Variants in AVEN observed in about 807,000 individuals in gnomAD.
AVEN encodes cell death regulator Aven.
A neutral mutation model predicts 38.1 loss-of-function variants in AVEN; 41 were observed. The observed-to-expected ratio is 1.08, with a 90% CI of 0.84 to 1.40. The LOEUF is 1.40. Ranked by LOEUF, AVEN falls within the 40% of genes most tolerant of loss-of-function variation. The pLI is 0.00. For synonymous variants in AVEN, 206 were observed against 171.8 expected (o/e 1.20, Z -1.56); for missense variants, 605 against 438.8 (o/e 1.38, Z -3.38).
chr15:34,037,126 T>A (rs11856633), intron 1 of AVEN, among the ~76,000 whole-genome samples: 37 of 135,742 alleles, frequency 2.7e-4, no homozygotes, highest in African/African-American at 1.2e-3. Flanking sequence ...AAAAAAAAAA[T>A]ATATACCATC....
chr15:33,932,219 C>T (rs1893876454), intron 2 of AVEN, among the ~76,000 whole-genome samples: 1 of 152,174 alleles, frequency 6.6e-6, no homozygotes, highest in Non-Finnish European at 1.5e-5. Context: ...GTAACTTATA[C>T]TAAATAACAT....
chr15:33,930,334 T>A (rs1339856801), intron 2 of AVEN, among the ~76,000 whole-genome samples: 4 of 60,158 alleles, frequency 6.6e-5, no homozygotes, highest in African/African-American at 1.5e-4. Flanking sequence ...TTTGAGTCCA[T>A]CTAGGACAAA....
At chr15:33,913,472 T>C (rs778907428) in intron 2 of AVEN, among the ~76,000 whole-genome samples, 1 of 152,166 alleles carries the variant, frequency 6.6e-6, no homozygotes, top group African/African-American at 2.4e-5. Context: ...TTTGAGCAGA[T>C]TTACATTCCT....
chr15:33,905,805 T>C (rs1892677513), intron 2 of AVEN, among the ~76,000 whole-genome samples: 1 of 141,326 alleles, frequency 7.1e-6, no homozygotes. Context: ...GTATGACAAA[T>C]TGAGACCTTG....
At chr15:33,972,553 AC>A (rs766884341) in intron 2 of AVEN, 1 of 152,254 alleles carries the variant, frequency 6.6e-6, no homozygotes, top group Non-Finnish European at 1.5e-5. Flanking sequence ...AAACAAAAAA[AC>A]AAAGGACTGT....
intron 2 of AVEN, among the ~76,000 whole-genome samples, chr15:33,876,551 GAC>G (rs912160891): frequency 4.0e-4 from 61 of 151,848 alleles, no homozygotes; most frequent in African/African-American, 1.5e-3. Context: ...CAGCCTGGGT[GAC>G]AGAGTGAGAC....
intron 4 of AVEN, among the ~76,000 whole-genome samples, chr15:33,870,452 G>C (rs1252593499): frequency 1.3e-5 from 2 of 152,134 alleles, no homozygotes; most frequent in Non-Finnish European, 2.9e-5. Context: ...CACTGCTTCA[G>C]AAAGCCATTC....
intron 2 of AVEN, among the ~76,000 whole-genome samples, chr15:33,876,534 T>A (rs986144143): frequency 6.6e-6 from 1 of 151,952 alleles, no homozygotes; most frequent in African/African-American, 2.4e-5. Context: ...ATCATGCCAC[T>A]GCACTCCAGC....
intron 5 of AVEN, among the ~76,000 whole-genome samples, chr15:34,055,263 C>A (rs1171272119): frequency 2.0e-5 from 3 of 151,650 alleles, no homozygotes; most frequent in African/African-American, 7.3e-5. Flanking sequence ...TTTGGGAGGC[C>A]GAGGTGGGTG....
At position 33,866,348 on chromosome 15, in the gene AVEN, G is replaced by A; in HGVS notation, c.*265C>T. Reference sequence around the variant, plus strand: ...GCTATGTTGTAAACACTGCAAGGAAGGAGGCTAGAAACAAGGGCCAGAGTC... The same window carrying A: ...GCTATGTTGTAAACACTGCAAGGAAAGAGGCTAGAAACAAGGGCCAGAGTC... On this transcript the variant is annotated 3_prime_UTR_variant, in exon 6 of 6. Coordinates refer to ENST00000306730, the MANE Select transcript of AVEN (RefSeq NM_020371.3). 1 of 498,818 alleles carries A rather than the reference G, an allele frequency of 2.0e-6. No homozygotes were observed. 30.9% of individuals were successfully genotyped at this position (498,818 alleles called of 1,614,324 possible). A position where few individuals can be genotyped will look rare whatever the true frequency, so the allele number is the denominator to read the frequency against.
chr15:34,010,275 G>A (rs187160219), intron 1 of AVEN, among the ~76,000 whole-genome samples: 179 of 152,042 alleles, frequency 1.2e-3, no homozygotes, highest in Non-Finnish European at 1.3e-3. Context: ...CCTATGAACA[G>A]TATATTTGGA....
downstream of AVEN, chr15:33,865,393 G>C (rs917778628): frequency 3.4e-6 from 2 of 593,774 alleles, no homozygotes; most frequent in East Asian, 2.8e-5. Context: ...TTGGCTTTTT[G>C]TGCCTAATGG....
chr15:33,856,179 C>G (rs1189473802), downstream of AVEN: 3 of 152,264 alleles, frequency 2.0e-5, no homozygotes, highest in Non-Finnish European at 4.4e-5. Flanking sequence ...TTCCCTGATG[C>G]AAAGTCCAAG....
downstream of AVEN, chr15:33,865,120 T>C (rs1305509998): frequency 6.2e-7 from 1 of 1,605,082 alleles, no homozygotes; most frequent in Non-Finnish European, 8.5e-7. Context: ...CCGTTGTTCA[T>C]ATTATTTCAG....
rs146938640 is a variant in AVEN, at chr15:33,866,761, G to A, written c.974-33C>T. ...AAAAAAAACAATGTTAACACCCTCA[G>A]ATGAGTCCTAAAATTGAAGGTATAA... On this transcript the variant is annotated intron_variant, in intron 5 of 5. Transcript: ENST00000306730. 114 of 1,466,896 alleles carry A rather than the reference G, an allele frequency of 7.8e-5. No individual in the cohort carries two copies. In the African/African-American group the frequency reaches 1.4e-3, roughly 18 times the overall value. 90.9% of individuals were successfully genotyped at this position (1,466,896 alleles called of 1,614,324 possible).
downstream of AVEN, chr15:33,858,036 A>G (rs1240823086): frequency 7.9e-7 from 1 of 1,270,372 alleles, no homozygotes; most frequent in African/African-American, 1.5e-5. Context: ...GTTACAGAGC[A>G]CAGCAGAGAT....
chr15:33,948,361 C>T (rs1194713011), intron 2 of AVEN, among the ~76,000 whole-genome samples: 1 of 152,028 alleles, frequency 6.6e-6, no homozygotes, highest in East Asian at 1.9e-4. Flanking sequence ...TCCCAAAGTG[C>T]TGGGATTACA....
intron 2 of AVEN, among the ~76,000 whole-genome samples, chr15:33,956,943 G>A (rs779840563): frequency 1.6e-4 from 25 of 152,132 alleles, no homozygotes; most frequent in Non-Finnish European, 3.1e-4. Context: ...TGAAATGTTC[G>A]GGAGTTTTTT....
In AVEN at chr15:33,968,099, T is replaced by TAAAAAAAAAAAAAAAAAA. The variant is rs71119906; in HGVS notation, c.445+34915_445+34932dup. Among the ~76,000 whole-genome samples the TAAAAAAAAAAAAAAAAAA allele has an allele frequency of 1.2e-4, 3 of 25,852 alleles. 1 individual carries two copies. The highest frequency in any genetic ancestry group is 1.1e-4 in the African/African-American group (1 of 9,504). The allele number at this position is 25,852 out of a possible 152,430, so 17.0% of individuals were successfully genotyped here. On this transcript the variant is annotated intron_variant, in intron 2 of 5. Coordinates refer to ENST00000306730, the MANE Select transcript of AVEN (RefSeq NM_020371.3). Reference sequence around the variant, plus strand: ...TCTGTGAATAATGCCTAGCAAAGCTTAAAAAAAAAAAAAAAAAAAAAAAAA... The same window carrying TAAAAAAAAAAAAAAAAAA: ...TCTGTGAATAATGCCTAGCAAAGCTTAAAAAAAAAAAAAAAAAAAAAAAAAAAAAAAAAAAAAAAAAAA...
Sources: gnomAD v4.1 joint callset for allele counts (sites outside exome capture counted in the v4.1 genomes callset) on GRCh38, gnomAD v4.1.1 for gene constraint, MANE v1.5 for transcripts, NCBI Gene and HGNC (gene_info 2026-07-23, HGNC 2026-07-21) for gene names.